Variants in NHS observed in about 807,000 individuals in gnomAD.
The protein encoded by NHS is actin remodeling regulator NHS.
A neutral mutation model predicts 72.5 loss-of-function variants in NHS; 5 were observed. The observed-to-expected ratio is 0.07, with a 90% CI of 0.04 to 0.14. The LOEUF is 0.14. Ranked by LOEUF, NHS falls within the 10% of genes least tolerant of loss-of-function variation. The pLI is 1.00. For missense variants in NHS, 1,072 were observed against 1,355.7 expected (o/e 0.79, Z 3.29); for synonymous variants, 464 against 547.7 (o/e 0.85, Z 2.13).
intron 1 of NHS, chrX:17,635,691 A>T: frequency 1.1e-6 from 1 of 884,493 alleles, no homozygotes; most frequent in Middle Eastern, 2.9e-4. Flanking sequence ...GCCACTTCCT[A>T]TTCTGGGAGA....
chrX:17,524,456 C>T (rs868046191), intron 1 of NHS, among the ~76,000 whole-genome samples: 2 of 112,366 alleles, frequency 1.8e-5, no homozygotes, highest in Non-Finnish European at 3.8e-5. Flanking sequence ...CAATCTAGTC[C>T]TGGATCCCAC....
At position 17,724,541 on chromosome X, in the gene NHS, G is replaced by C. The variant is rs762153646; in HGVS notation, c.1240+111G>C. The C allele has an allele frequency of 2.9e-6, 3 of 1,019,392 alleles. No homozygotes were observed. The East Asian group carries it at 9.7e-5, about 33-fold the overall frequency. 84.0% of individuals were successfully genotyped at this position (1,019,392 alleles called of 1,213,427 possible). A position where few individuals can be genotyped will look rare whatever the true frequency, so the allele number is the denominator to read the frequency against. On this transcript the variant is annotated intron_variant, in intron 6 of 8. Transcript: ENST00000676302. ...TTTAACTTGTAGAGGTTTTAAAATGGTGTCTATTTGTTTTGTATTCAGCAA... is the reference window on the plus strand; with the variant it reads ...TTTAACTTGTAGAGGTTTTAAAATGCTGTCTATTTGTTTTGTATTCAGCAA...
intron 1 of NHS, among the ~76,000 whole-genome samples, chrX:17,401,679 C>G (rs1340604779): frequency 8.9e-6 from 1 of 111,753 alleles, no homozygotes; most frequent in African/African-American, 3.3e-5. Flanking sequence ...CTGGTGGTTG[C>G]CAGAAATTCT....
Position 17,728,108 on chromosome X carries a change from A to T in NHS, c.4002A>T (p.Thr1334=), listed in dbSNP as rs1036227288. 3.9e-5 allele frequency: 47 copies of T among 1,211,963 alleles called. No homozygotes were observed. Among genetic ancestry groups the T allele is most frequent in the Non-Finnish European group, 5.2e-5 (47 of 895,511 alleles). ...AGTCAGACTCACCAACTAGAGCAAC[A>T]GATGTAAGCAATCAATTTAAGCATC... ...TSQSDSPTRA[T]DVSNQFKHQF... The change falls in exon 7 of 9, where the codon ACA becomes ACT. Residue 1334 remains threonine, a synonymous_variant. Coordinates refer to ENST00000676302, the MANE Select transcript of NHS (RefSeq NM_001291867.2).
chrX:17,397,453 T>C (rs929367221), intron 1 of NHS, among the ~76,000 whole-genome samples: 14 of 111,396 alleles, frequency 1.3e-4, no homozygotes, highest in African/African-American at 3.9e-4. Context: ...TGGGTTGTGG[T>C]TGGGGAGAGG....
intron 1 of NHS, among the ~76,000 whole-genome samples, chrX:17,520,935 T>G (rs2065145212): frequency 9.0e-6 from 1 of 111,094 alleles, no homozygotes. Flanking sequence ...ACAAAGACCC[T>G]CAACCCCACC....
intron 1 of NHS, among the ~76,000 whole-genome samples, chrX:17,513,091 G>C (rs954544022): frequency 8.9e-6 from 1 of 111,819 alleles, no homozygotes; most frequent in Non-Finnish European, 1.9e-5. Context: ...TTCTTGGAAC[G>C]GGCTTAAACC....
intron 1 of NHS, among the ~76,000 whole-genome samples, chrX:17,664,456 T>C (rs1041978366): frequency 2.7e-5 from 3 of 112,061 alleles, no homozygotes; most frequent in Non-Finnish European, 3.8e-5. Context: ...ACCAGAAAAC[T>C]CCTTCCTTTC....
At chrX:17,519,101 A>G (rs1037319391) in intron 1 of NHS, among the ~76,000 whole-genome samples, 2 of 112,094 alleles carry the variant, frequency 1.8e-5, no homozygotes, top group African/African-American at 6.5e-5. Context: ...TGTTACTGTC[A>G]TCATGCTGCA....
rs781372183 is a variant in NHS, at chrX:17,430,151, C to CCTTCCTTCCTT, written c.565+53833_565+53834insCTTCCTTCTTC. Among the ~76,000 whole-genome samples the CCTTCCTTCCTT allele has an allele frequency of 1.1e-3, 81 of 71,526 alleles. 1 individual carries two copies. Among genetic ancestry groups the CCTTCCTTCCTT allele is most frequent in the African/African-American group, 4.3e-3 (78 of 17,995 alleles). The allele number at this position is 71,526 out of a possible 115,157, so 62.1% of individuals were successfully genotyped here. ...CCCTCCCTCCCTCCCTGCCTTCCTT[C>CCTTCCTTCCTT]CTTCTTTCTCCTTCCTTCCCTTCTT... On this transcript the variant is annotated intron_variant, in intron 1 of 8. Coordinates refer to ENST00000676302, the MANE Select transcript of NHS (RefSeq NM_001291867.2).
chrX:17,665,318 ATTTTTTTTTTTTTT>A (rs34661609), intron 1 of NHS, among the ~76,000 whole-genome samples: 1 of 54,730 alleles, frequency 1.8e-5, no homozygotes, highest in East Asian at 5.4e-4. Flanking sequence ...TTACCTATAG[ATTTTTTTTTTTTTT>A]TTTTTTTTTT....
At chrX:17,377,482 C>T (rs373937776) in intron 1 of NHS, among the ~76,000 whole-genome samples, 2 of 113,311 alleles carry the variant, frequency 1.8e-5, no homozygotes, top group South Asian at 3.6e-4. Flanking sequence ...CTCTGACTTA[C>T]GTAAGAAGCT....
At chrX:17,419,172 C>T (rs1477124836) in intron 1 of NHS, among the ~76,000 whole-genome samples, 4 of 112,428 alleles carry the variant, frequency 3.6e-5, no homozygotes, top group Admixed American at 9.4e-5. Context: ...TGGTATGGAG[C>T]CTGGAAATCT....
intron 6 of NHS, 130 bp from the exon 7 acceptor site, chrX:17,725,217 A>ATTTT: frequency 9.0e-6 from 5 of 556,544 alleles, no homozygotes; most frequent in East Asian, 3.4e-5. Flanking sequence ...CTATATATTG[A>ATTTT]TTTTTTTTCT....
At chrX:17,561,556 A>G (rs1389966034) in intron 1 of NHS, among the ~76,000 whole-genome samples, 10 of 70,547 alleles carry the variant, frequency 1.4e-4, no homozygotes, top group Admixed American at 8.4e-4. Context: ...ATGCAAGTGC[A>G]TGCGCGCGCG....
rs186509142 is a variant in NHS, at chrX:17,564,291, A to G, written c.566-123451A>G. ...CTTTGTTATTGGGACTGTCCTTTGCATTGTAGAATGTTTAACAGCATCCCT... is the reference window on the plus strand; with the variant it reads ...CTTTGTTATTGGGACTGTCCTTTGCGTTGTAGAATGTTTAACAGCATCCCT... On this transcript the variant is annotated intron_variant, in intron 1 of 8. Transcript: ENST00000676302. Among the ~76,000 whole-genome samples the G allele has an allele frequency of 9.9e-5, 11 of 111,543 alleles. No individual in the cohort carries two copies. In the East Asian group the frequency reaches 2.8e-3, roughly 29 times the overall value.
intron 1 of NHS, among the ~76,000 whole-genome samples, chrX:17,407,064 T>A (rs1022843849): frequency 8.9e-6 from 1 of 111,903 alleles, no homozygotes; most frequent in African/African-American, 3.3e-5. Flanking sequence ...GGCTCAGGTA[T>A]ACCTGAGAAA....
At chrX:17,386,546 C>T (rs889154163) in intron 1 of NHS, among the ~76,000 whole-genome samples, 2 of 108,794 alleles carry the variant, frequency 1.8e-5, no homozygotes, top group Non-Finnish European at 1.9e-5. Flanking sequence ...CCTGTAATCC[C>T]GGCTACTTGG....
chrX:17,546,922 A>G (rs370008817), intron 1 of NHS, among the ~76,000 whole-genome samples: 17 of 112,168 alleles, frequency 1.5e-4, no homozygotes, highest in African/African-American at 5.5e-4. Context: ...GGTCAGATCA[A>G]GTGGAGGTTG....
Sources: allele counts gnomAD v4.1 joint callset (sites outside exome capture counted in the v4.1 genomes callset), GRCh38; gene constraint gnomAD v4.1.1; transcripts MANE v1.5; gene names NCBI Gene and HGNC (gene_info 2026-07-23, HGNC 2026-07-21).